The following KIRREL3 variants were observed in gnomAD, a reference collection of about 807,000 sequenced individuals.
The protein encoded by KIRREL3 is kin of IRRE-like protein 3.
A neutral mutation model predicts 89.7 loss-of-function variants in KIRREL3; 36 were observed. The ratio of observed to expected loss-of-function variants is 0.40; its 90% CI spans 0.31 to 0.53. The LOEUF (loss-of-function observed/expected upper bound fraction) is 0.53. KIRREL3 is among the 20% of genes least tolerant of loss of function. KIRREL3 has a pLI of 0.49. For synonymous variants in KIRREL3, 445 were observed against 441.4 expected (o/e 1.01, Z -0.10); for missense variants, 864 against 1,056.6 (o/e 0.82, Z 2.53).
chr11:126,823,762 C>G (rs140978776), intron 1 of KIRREL3, among the ~76,000 whole-genome samples: 1 of 152,176 alleles, frequency 6.6e-6, no homozygotes, highest in Admixed American at 6.5e-5. Flanking sequence ...AAAGAAACAA[C>G]GACCTATCTG....
chr11:126,656,617 C>T lies in KIRREL3; in HGVS notation c.56-93705G>A, dbSNP rs1945150481. On this transcript the variant is annotated intron_variant, in intron 1 of 16. Transcript: ENST00000525144. The surrounding 1 kb of genome is among the most constrained non-coding windows in gnomAD (Gnocchi z 4.0). ...TACCCACAGGGGCAGTTTAAATCTT[C>T]ATGCTTTTACCACCTTATACTGAGT... 6.6e-6 allele frequency among the ~76,000 whole-genome samples: 1 copy of T among 152,246 alleles called. No homozygotes were observed. Among genetic ancestry groups the T allele is most frequent in the Admixed American group, 6.5e-5 (1 of 15,288 alleles).
intron 1 of KIRREL3, among the ~76,000 whole-genome samples, chr11:126,901,478 G>A (rs187705958): frequency 1.2e-4 from 18 of 152,256 alleles, no homozygotes; most frequent in Admixed American, 3.9e-4. Context: ...CATTCTCTCC[G>A]GAAGAGAATG....
Position 126,693,521 on chromosome 11 carries a change from C to T in KIRREL3, c.56-130609G>A, listed in dbSNP as rs541714606. On this transcript the variant is annotated intron_variant, in intron 1 of 16. Transcript: ENST00000525144. Reference sequence around the variant, plus strand: ...CAACAAGGAGAGAAAGAGACTCTGCCGGCATGCCGTAAAAGCGTGCAAGTC... The same window carrying T: ...CAACAAGGAGAGAAAGAGACTCTGCTGGCATGCCGTAAAAGCGTGCAAGTC... Among the ~76,000 whole-genome samples, 11 of 152,090 alleles carry T rather than the reference C, an allele frequency of 7.2e-5. No individual in the cohort carries two copies. The East Asian group carries it at 9.7e-4, about 13-fold the overall frequency.
chr11:126,722,311 C>T (rs143315850), intron 1 of KIRREL3, among the ~76,000 whole-genome samples: 15 of 152,372 alleles, frequency 9.8e-5, no homozygotes, highest in African/African-American at 3.4e-4. Context: ...TTCACTCCCT[C>T]ACTTCCTACA....
rs1591729190 is a variant in KIRREL3 at position 126,555,283 on chromosome 11, T to C, written c.133+7552A>G. 6.6e-6 allele frequency among the ~76,000 whole-genome samples: 1 copy of C among 152,042 alleles called. No individual in the cohort carries two copies. The highest frequency in any genetic ancestry group is 2.4e-5 in the African/African-American group (1 of 41,376). On this transcript the variant is annotated intron_variant, in intron 2 of 16. Coordinates refer to ENST00000525144, the MANE Select transcript of KIRREL3 (RefSeq NM_032531.4). The surrounding 1 kb of genome is among the most constrained non-coding windows in gnomAD (Gnocchi z 4.2). ...AAGCAGTGGCCAGAGGTAGGCTGAG[T>C]GAAACAAGCCACTCCAGTTCCCACC...
At position 126,909,534 on chromosome 11, in the gene KIRREL3, G is replaced by T. The variant is rs7941776; in HGVS notation, c.55+90921C>A. On this transcript the variant is annotated intron_variant, in intron 1 of 16. Coordinates refer to ENST00000525144, the MANE Select transcript of KIRREL3 (RefSeq NM_032531.4). This position sits in a 1 kb window ranked among gnomAD's most constrained non-coding sequence, Gnocchi z 4.5. Reference sequence around the variant, plus strand: ...AGAGTGCTCTGAGTTGAGATACACCGCCCACAATACACCCCGTGGGTAATT... The same window carrying T: ...AGAGTGCTCTGAGTTGAGATACACCTCCCACAATACACCCCGTGGGTAATT... 1.3e-5 allele frequency among the ~76,000 whole-genome samples: 2 copies of T among 152,210 alleles called. No individual in the cohort carries two copies. Among genetic ancestry groups the T allele is most frequent in the South Asian group, 2.1e-4 (1 of 4,816 alleles).
intron 1 of KIRREL3, among the ~76,000 whole-genome samples, chr11:126,758,665 A>C (rs897601533): frequency 2.6e-4 from 40 of 152,228 alleles, no homozygotes; most frequent in African/African-American, 9.6e-4. Context: ...CTAATCACTT[A>C]CGAACATCTA....
At position 126,553,705 on chromosome 11, in the gene KIRREL3, T is replaced by C. The variant is rs573469962; in HGVS notation, c.133+9130A>G. On this transcript the variant is annotated intron_variant, in intron 2 of 16. Transcript: ENST00000525144. The surrounding 1 kb of genome is among the most constrained non-coding windows in gnomAD (Gnocchi z 4.7). The stretch of plus-strand genomic sequence containing the variant: ...CTTTAATGCACCCCTCAAATTTCCA[T>C]AGGGCTGTGCTCCACATGGGCATCC... 2.6e-5 allele frequency among the ~76,000 whole-genome samples: 4 copies of C among 152,278 alleles called. No homozygotes were observed. The highest frequency in any genetic ancestry group is 4.8e-5 in the African/African-American group (2 of 41,558).
rs1280810804 is a variant in KIRREL3, at chr11:126,937,683, AG to A, written c.55+62771del. On this transcript the variant is annotated intron_variant, in intron 1 of 16. Coordinates refer to ENST00000525144, the MANE Select transcript of KIRREL3 (RefSeq NM_032531.4). ...TGGAGGCCAAGGCGGGTGGATCACG[AG>A]GTCAGGAGATCAAGACCATCCTGGC... 2.6e-5 allele frequency among the ~76,000 whole-genome samples: 4 copies of A among 151,856 alleles called. No homozygotes were observed. In the East Asian group the frequency reaches 7.7e-4, roughly 29 times the overall value.
intron 4 of KIRREL3, among the ~76,000 whole-genome samples, chr11:126,503,807 C>T (rs1245726595): frequency 6.6e-6 from 1 of 150,852 alleles, no homozygotes; most frequent in Non-Finnish European, 1.5e-5. Flanking sequence ...CTCTCTGTCT[C>T]TCTCTCTCCT....
chr11:126,737,628 A>C lies in KIRREL3; in HGVS notation c.56-174716T>G, dbSNP rs576289026. Among the ~76,000 whole-genome samples, 150 of 152,322 alleles carry C rather than the reference A, an allele frequency of 9.8e-4. 2 individuals carry two copies. In the South Asian group the frequency reaches 0.028, roughly 29 times the overall value. On this transcript the variant is annotated intron_variant, in intron 1 of 16. Transcript: ENST00000525144. Reference sequence around the variant, plus strand: ...GAGAGACTCTCGAGACACACAGTACATGCCTGCCTCTTCCCCAGCTCGGAA... The same window carrying C: ...GAGAGACTCTCGAGACACACAGTACCTGCCTGCCTCTTCCCCAGCTCGGAA...
chr11:126,449,633 G>GCA (rs144643651), intron 7 of KIRREL3, among the ~76,000 whole-genome samples: 78 of 149,090 alleles, frequency 5.2e-4, no homozygotes, highest in Non-Finnish European at 2.4e-4. Flanking sequence ...GTGTGCACGA[G>GCA]CACACACACA....
At position 126,948,445 on chromosome 11, in the gene KIRREL3, C is replaced by T. The variant is rs551853526; in HGVS notation, c.55+52010G>A. Among the ~76,000 whole-genome samples, 5 of 152,094 alleles carry T rather than the reference C, an allele frequency of 3.3e-5. No individual in the cohort carries two copies. The highest frequency in any genetic ancestry group is 2.1e-4 in the South Asian group (1 of 4,822). On this transcript the variant is annotated intron_variant, in intron 1 of 16. Coordinates refer to ENST00000525144, the MANE Select transcript of KIRREL3 (RefSeq NM_032531.4). This position sits in a 1 kb window ranked among gnomAD's most constrained non-coding sequence, Gnocchi z 4.5. ...GCTATGCTCAGAGCTAAGAGAACAG[C>T]GGGGTAGACTAGAAATACTATGCAG...
rs6144553 is a variant in KIRREL3 at position 126,821,329 on chromosome 11, G to GTATATATATATA, written c.55+179114_55+179125dup. Among the ~76,000 whole-genome samples, 24 of 103,526 alleles carry GTATATATATATA rather than the reference G, an allele frequency of 2.3e-4. 1 individual carries two copies. The highest frequency in any genetic ancestry group is 9.5e-4 in the African/African-American group (19 of 19,994). The allele number at this position is 103,526 out of a possible 152,430, so 67.9% of individuals were successfully genotyped here. On this transcript the variant is annotated intron_variant, in intron 1 of 16. Coordinates refer to ENST00000525144, the MANE Select transcript of KIRREL3 (RefSeq NM_032531.4). ...TTTCATGGGTCAACGGATAAACACA[G>GTATATATATATA]TATATATATATATATATATATATGT...
intron 1 of KIRREL3, among the ~76,000 whole-genome samples, chr11:126,966,768 G>T (rs189337941): frequency 9.2e-5 from 14 of 152,248 alleles, no homozygotes; most frequent in African/African-American, 3.1e-4. Flanking sequence ...ATATGCCTCG[G>T]TTTTCTCATC....
chr11:126,440,537 A>G lies in KIRREL3; in HGVS notation c.1265T>C (p.Ile422Thr), dbSNP rs1955523635. 2.5e-6 allele frequency: 4 copies of G among 1,599,126 alleles called. No homozygotes were observed. The highest frequency in any genetic ancestry group is 2.3e-5 in the South Asian group (2 of 87,898). The change falls in exon 11 of 17, where the codon ATC becomes ACC. Residue 422 changes from isoleucine (I) to threonine (T), a missense_variant. Transcript: ENST00000525144. ...VTLTVNGPPIISSTQTQHALH... is the reference protein window; with the variant it reads ...VTLTVNGPPITSSTQTQHALH... ...GGCGTGCTGGGTCTGGGTGCTGGAG[A>G]TGATGGGGGGTCCTGTTGAGAAACA...
At chr11:126,580,581 C>T (rs1442556008) in intron 1 of KIRREL3, among the ~76,000 whole-genome samples, 2 of 152,192 alleles carry the variant, frequency 1.3e-5, no homozygotes, top group African/African-American at 4.8e-5. Flanking sequence ...ATTTCTTCTC[C>T]TGTGATGGAG....
intron 4 of KIRREL3, among the ~76,000 whole-genome samples, chr11:126,509,103 C>G (rs35455139): frequency 0.32 from 48,198 of 152,104 alleles, 7,936 homozygotes; most frequent in Admixed American, 0.38. Context: ...CCTATCAGAA[C>G]TTCTCATGAG....
rs1592306985 is a variant in KIRREL3, at chr11:126,897,672, T to G, written c.55+102783A>C. On this transcript the variant is annotated intron_variant, in intron 1 of 16. Transcript: ENST00000525144. This position sits in a 1 kb window ranked among gnomAD's most constrained non-coding sequence, Gnocchi z 4.2. Reference sequence around the variant, plus strand: ...TGCAGCAAAGCTTATTTTCTGAAGATAGATAATTTGGTTAAATCTTTTCCA... The same window carrying G: ...TGCAGCAAAGCTTATTTTCTGAAGAGAGATAATTTGGTTAAATCTTTTCCA... Among the ~76,000 whole-genome samples the G allele has an allele frequency of 6.6e-6, 1 of 152,252 alleles. No homozygotes were observed. The highest frequency in any genetic ancestry group is 1.5e-5 in the Non-Finnish European group (1 of 68,050).
Sources: gnomAD v4.1 joint callset for allele counts (sites outside exome capture counted in the v4.1 genomes callset) on GRCh38, gnomAD v4.1.1 for gene constraint, Gnocchi (gnomAD v3.1) non-coding constraint, MANE v1.5 for transcripts, NCBI Gene and HGNC (gene_info 2026-07-23, HGNC 2026-07-21) for gene names.